The following COMMD10 variants were observed in gnomAD, a reference collection of about 807,000 sequenced individuals.
COMMD10 encodes the protein COMM domain-containing protein 10.
A neutral mutation model predicts 28.9 loss-of-function variants in COMMD10; 33 were observed. That is an observed-to-expected ratio of 1.14 (90% CI 0.87 to 1.53). The LOEUF (loss-of-function observed/expected upper bound fraction) is 1.53. Ranked by LOEUF, COMMD10 falls within the 40% of genes most tolerant of loss-of-function variation. The pLI is 0.00. For missense variants in COMMD10, 310 were observed against 233.4 expected (o/e 1.33, Z -2.14); for synonymous variants, 110 against 81.7 (o/e 1.35, Z -1.87).
intron 4 of COMMD10, among the ~76,000 whole-genome samples, chr5:116,099,559 C>A (rs1049769722): frequency 2.6e-5 from 4 of 152,082 alleles, no homozygotes; most frequent in African/African-American, 9.7e-5. Context: ...ACATTCCCAC[C>A]AACACTGTAC....
At chr5:116,104,866 G>A (rs1038446982) in intron 4 of COMMD10, among the ~76,000 whole-genome samples, 2 of 152,088 alleles carry the variant, frequency 1.3e-5, no homozygotes, top group African/African-American at 2.4e-5. Flanking sequence ...TGATCCGTCC[G>A]CCTTGGCCTC....
intron 5 of COMMD10, among the ~76,000 whole-genome samples, chr5:116,144,060 G>A (rs1752270921): frequency 6.6e-6 from 1 of 151,822 alleles, no homozygotes; most frequent in Non-Finnish European, 1.5e-5. Flanking sequence ...CAAATATGGA[G>A]GTACCTGAGA....
rs777836418 is a variant in COMMD10 at position 116,210,758 on chromosome 5, A to G, written c.510+76580A>G. 8.5e-5 allele frequency among the ~76,000 whole-genome samples: 13 copies of G among 152,226 alleles called. No homozygotes were observed. In the East Asian group the frequency reaches 9.6e-4, roughly 11 times the overall value. On this transcript the variant is annotated intron_variant, in intron 5 of 6. Coordinates refer to ENST00000274458, the MANE Select transcript of COMMD10 (RefSeq NM_016144.4). ...CAAAACCAGGTTTTACTTATTTACT[A>G]TACGATCTTGTCCAAGTGTTTATAG...
intron 4 of COMMD10, among the ~76,000 whole-genome samples, chr5:116,113,401 T>C (rs1186237528): frequency 1.5e-5 from 2 of 133,758 alleles, no homozygotes; most frequent in African/African-American, 5.9e-5. Context: ...TTAAAGATTT[T>C]TGATGTTTCT....
intron 5 of COMMD10, among the ~76,000 whole-genome samples, chr5:116,275,830 T>G (rs2112702395): frequency 6.6e-6 from 1 of 151,762 alleles, no homozygotes; most frequent in South Asian, 2.1e-4. Flanking sequence ...ATGGCCAGAT[T>G]TGCTTCACCA....
At chr5:116,206,717 A>G (rs1223136046) in intron 5 of COMMD10, among the ~76,000 whole-genome samples, 2 of 152,312 alleles carry the variant, frequency 1.3e-5, no homozygotes, top group Admixed American at 1.3e-4. Context: ...AGGAGGGAGA[A>G]TATTCTTGGA....
At chr5:116,102,120 A>G (rs775631735) in intron 4 of COMMD10, among the ~76,000 whole-genome samples, 6 of 152,136 alleles carry the variant, frequency 3.9e-5, no homozygotes, top group Non-Finnish European at 5.9e-5. Flanking sequence ...GATCTTAGTC[A>G]TGAATTCTTT....
intron 5 of COMMD10, among the ~76,000 whole-genome samples, chr5:116,257,788 A>G (rs1418256674): frequency 1.3e-5 from 2 of 151,824 alleles, no homozygotes; most frequent in African/African-American, 2.4e-5. Flanking sequence ...TAAGCAACAG[A>G]AAATTTTAAG....
At chr5:116,225,417 A>G (rs183064202) in intron 5 of COMMD10, among the ~76,000 whole-genome samples, 1 of 148,068 alleles carries the variant, frequency 6.8e-6, no homozygotes, top group African/African-American at 2.5e-5. Context: ...TGGGAAACAT[A>G]TGGTGAAATG....
chr5:116,175,956 G>C (rs1050855096), intron 5 of COMMD10, among the ~76,000 whole-genome samples: 9 of 152,166 alleles, frequency 5.9e-5, no homozygotes, highest in African/African-American at 2.2e-4. Flanking sequence ...TGGTGGTGAT[G>C]GTTGCACAAC....
At chr5:116,210,812 C>A (rs1005482524) in intron 5 of COMMD10, among the ~76,000 whole-genome samples, 1 of 151,962 alleles carries the variant, frequency 6.6e-6, no homozygotes, top group African/African-American at 2.4e-5. Flanking sequence ...CACAATCATT[C>A]GTCATAGGTA....
At chr5:116,285,411 A>T (rs1039307556) in intron 5 of COMMD10, among the ~76,000 whole-genome samples, 2 of 151,868 alleles carry the variant, frequency 1.3e-5, no homozygotes, top group African/African-American at 4.9e-5. Context: ...TCTAAGCTCC[A>T]TTCTTACTTC....
At chr5:116,178,571 C>T (rs61334805) in intron 5 of COMMD10, among the ~76,000 whole-genome samples, 47,817 of 151,886 alleles carry the variant, frequency 0.31, 10,398 homozygotes, top group African/African-American at 0.62. Context: ...ACTATAATAA[C>T]GGGGATGATG....
intron 5 of COMMD10, among the ~76,000 whole-genome samples, chr5:116,259,427 C>A (rs911126868): frequency 6.6e-6 from 1 of 151,334 alleles, no homozygotes; most frequent in African/African-American, 2.4e-5. Context: ...CTGAGAATTA[C>A]AATTATATTT....
chr5:116,175,131 C>T (rs139679907), intron 5 of COMMD10, among the ~76,000 whole-genome samples: 3 of 152,108 alleles, frequency 2.0e-5, no homozygotes, highest in African/African-American at 4.8e-5. Context: ...TAAAACACTC[C>T]CGCATTACTT....
At chr5:116,205,033 G>A (rs1184241594) in intron 5 of COMMD10, among the ~76,000 whole-genome samples, 1 of 152,108 alleles carries the variant, frequency 6.6e-6, no homozygotes, top group African/African-American at 2.4e-5. Context: ...TGCTAAATGA[G>A]ACTAGTAAAA....
intron 5 of COMMD10, among the ~76,000 whole-genome samples, chr5:116,233,755 A>G (rs1300350154): frequency 1.3e-5 from 2 of 152,164 alleles, no homozygotes; most frequent in Non-Finnish European, 2.9e-5. Context: ...ATGAACAAGG[A>G]GAGAGTTTTA....
At chr5:116,221,201 A>G (rs1749246007) in intron 5 of COMMD10, among the ~76,000 whole-genome samples, 1 of 151,940 alleles carries the variant, frequency 6.6e-6, no homozygotes, top group Admixed American at 6.6e-5. Flanking sequence ...CTGTCTCAGC[A>G]AATGCACTCG....
intron 4 of COMMD10, among the ~76,000 whole-genome samples, chr5:116,123,924 A>C (rs867925775): frequency 2.7e-3 from 185 of 68,192 alleles, no homozygotes; most frequent in African/African-American, 5.2e-3. Context: ...TATCCCCTTT[A>C]TCATTTTTTT....
Sources: allele counts gnomAD v4.1 joint callset (sites outside exome capture counted in the v4.1 genomes callset), GRCh38; gene constraint gnomAD v4.1.1; transcripts MANE v1.5; gene names NCBI Gene and HGNC (gene_info 2026-07-23, HGNC 2026-07-21).